Variants in PCBP3 observed in about 807,000 individuals in gnomAD.
PCBP3 encodes the protein poly(rC)-binding protein 3.
PCBP3 carries 25 observed loss-of-function variants against 52.7 expected under a neutral mutation model. The observed-to-expected ratio is 0.47, with a 90% CI of 0.35 to 0.66. The LOEUF is 0.66. Among genes scored for constraint, PCBP3 ranks in the 30% least tolerant of loss-of-function variants. The pLI is 0.01. For synonymous variants in PCBP3, 162 were observed against 183.0 expected, an observed-to-expected ratio of 0.89 and a Z score of 0.93; for missense variants, 391 against 490.3, an observed-to-expected ratio of 0.80 and a Z score of 1.91.
intron 5 of PCBP3, among the ~76,000 whole-genome samples, chr21:45,856,077 A>C (rs571545918): frequency 6.6e-6 from 1 of 152,212 alleles, no homozygotes; most frequent in African/African-American, 2.4e-5. Flanking sequence ...TGGGCCTCCA[A>C]AGCCATCTTT....
rs2083296958 is a variant in PCBP3 at position 45,704,099 on chromosome 21, G to A, written c.-199-31293G>A. On this transcript the variant is annotated intron_variant, in intron 2 of 17. Transcript: ENST00000681687. The surrounding 1 kb of genome is among the most constrained non-coding windows in gnomAD (Gnocchi z 4.1). ...TGGCTGATGTCAAGAGGTCAGAAGGGAAGACACGTTTATCTTGAGTTGGGA... is the reference window on the plus strand; with the variant it reads ...TGGCTGATGTCAAGAGGTCAGAAGGAAAGACACGTTTATCTTGAGTTGGGA... 6.6e-6 allele frequency among the ~76,000 whole-genome samples: 1 copy of A among 152,174 alleles called. No homozygotes were observed. Among genetic ancestry groups the A allele is most frequent in the Non-Finnish European group, 1.5e-5 (1 of 68,034 alleles).
At chr21:45,745,125 A>G (rs1280683378) in intron 3 of PCBP3, among the ~76,000 whole-genome samples, 1 of 152,126 alleles carries the variant, frequency 6.6e-6, no homozygotes, top group Non-Finnish European at 1.5e-5. Flanking sequence ...TGGTCCTGGG[A>G]GATGGAGTGA....
rs368429510 is a variant in PCBP3, at chr21:45,842,806, GA to G, written c.-125-7154del. On this transcript the variant is annotated intron_variant, in intron 4 of 17. Coordinates refer to ENST00000681687, the MANE Select transcript of PCBP3 (RefSeq NM_001384156.1). ...AAGGGTGCTTGGTACTGCTGGGTGG[GA>G]GTGGAAGCCGAGGCTCTCAGCTCAG... is the stretch of plus-strand genomic sequence containing the variant. Among the ~76,000 whole-genome samples, 18 of 152,308 alleles carry G rather than the reference GA, an allele frequency of 1.2e-4. No homozygotes were observed. The East Asian group carries it at 3.5e-3, about 29-fold the overall frequency.
intron 4 of PCBP3, among the ~76,000 whole-genome samples, chr21:45,771,904 A>G (rs1462001215): frequency 6.6e-6 from 1 of 152,254 alleles, no homozygotes; most frequent in African/African-American, 2.4e-5. Flanking sequence ...TCAAGGCTGC[A>G]GGATGTAAGA....
chr21:45,843,850 G>C (rs1027902408), intron 4 of PCBP3, among the ~76,000 whole-genome samples: 1 of 152,146 alleles, frequency 6.6e-6, no homozygotes, highest in Non-Finnish European at 1.5e-5. Context: ...GTCAGGTACA[G>C]GGTTTTATAT....
At chr21:45,862,501 A>T (rs894444418) in intron 5 of PCBP3, among the ~76,000 whole-genome samples, 3 of 152,212 alleles carry the variant, frequency 2.0e-5, no homozygotes, top group African/African-American at 7.2e-5. Context: ...AAGATAACAC[A>T]TATCAACCGT....
intron 1 of PCBP3, among the ~76,000 whole-genome samples, chr21:45,664,494 G>T (rs1255399042): frequency 6.6e-6 from 1 of 150,650 alleles, no homozygotes; most frequent in African/African-American, 2.4e-5. Flanking sequence ...ATACCATACA[G>T]AAATTCAAAT....
intron 17 of PCBP3, among the ~76,000 whole-genome samples, chr21:45,940,929 C>T (rs548018917): frequency 4.6e-5 from 7 of 152,118 alleles, no homozygotes; most frequent in African/African-American, 9.7e-5. Context: ...TGGGACGGGA[C>T]GGGATGGGAC....
chr21:45,777,660 A>C (rs1034409328), intron 4 of PCBP3, among the ~76,000 whole-genome samples: 1 of 152,064 alleles, frequency 6.6e-6, no homozygotes, highest in African/African-American at 2.4e-5. Context: ...CTTGTCTTCA[A>C]GTACAGAGAT....
rs1160952133 is a variant in PCBP3 at position 45,643,778 on chromosome 21, C to T, written c.-369C>T. On this transcript the variant is annotated 5_prime_UTR_variant, in exon 1 of 18. Coordinates refer to ENST00000681687, the MANE Select transcript of PCBP3 (RefSeq NM_001384156.1). ...CCGCTTCGGCTGACTTAGGCTCCGC[C>T]GCCGCCTCCTCACCCGCCTCGCCCC... 2.0e-5 allele frequency: 3 copies of T among 149,068 alleles called. No individual in the cohort carries two copies. The highest frequency in any genetic ancestry group is 3.9e-4 in the East Asian group (2 of 5,108). 9.2% of individuals were successfully genotyped at this position (149,068 alleles called of 1,614,324 possible).
At chr21:45,669,787 TTG>T (rs1224298314) in intron 2 of PCBP3, among the ~76,000 whole-genome samples, 4,218 of 77,856 alleles carry the variant, frequency 0.054, 222 homozygotes, top group East Asian at 0.06. Flanking sequence ...TAATATTCCA[TTG>T]TGTGTGTGTG....
chr21:45,888,754 G>A (rs1210273868), intron 5 of PCBP3, among the ~76,000 whole-genome samples: 1 of 152,230 alleles, frequency 6.6e-6, no homozygotes, highest in Non-Finnish European at 1.5e-5. Context: ...TCTATACATG[G>A]AATGATTATA....
chr21:45,906,554 C>T (rs2096212560), intron 9 of PCBP3, among the ~76,000 whole-genome samples: 1 of 152,118 alleles, frequency 6.6e-6, no homozygotes, highest in Non-Finnish European at 1.5e-5. Flanking sequence ...TTGGTGGAAC[C>T]TCTCGGAGCC....
chr21:45,874,041 C>T (rs574938087), intron 5 of PCBP3, among the ~76,000 whole-genome samples: 13 of 152,022 alleles, frequency 8.6e-5, no homozygotes, highest in African/African-American at 2.7e-4. Flanking sequence ...TGAGCCACCA[C>T]GCCCGGCCCA....
chr21:45,823,722 GT>G (rs748237307), intron 4 of PCBP3, among the ~76,000 whole-genome samples: 1 of 97,094 alleles, frequency 1.0e-5, no homozygotes, highest in South Asian at 3.9e-4. Flanking sequence ...CAAAGTAGGT[GT>G]TTTTTTTTTA....
chr21:45,647,353 T>C (rs952497124), intron 1 of PCBP3, among the ~76,000 whole-genome samples: 4 of 152,228 alleles, frequency 2.6e-5, no homozygotes, highest in African/African-American at 9.7e-5. Flanking sequence ...CATGAGGGAA[T>C]GAGACAGAGT....
intron 4 of PCBP3, among the ~76,000 whole-genome samples, chr21:45,799,440 A>G (rs1026542071): frequency 1.3e-5 from 2 of 152,038 alleles, no homozygotes; most frequent in Non-Finnish European, 2.9e-5. Context: ...CTGTTTTATT[A>G]TTGTTAATCT....
chr21:45,806,468 A>G (rs1428074974), intron 4 of PCBP3, among the ~76,000 whole-genome samples: 4 of 150,848 alleles, frequency 2.7e-5, no homozygotes, highest in Admixed American at 6.6e-5. Context: ...AATATGGCCA[A>G]TGCAGTCCTC....
At chr21:45,759,253 T>C (rs1238027383) in intron 4 of PCBP3, among the ~76,000 whole-genome samples, 1 of 152,228 alleles carries the variant, frequency 6.6e-6, no homozygotes, top group East Asian at 1.9e-4. Flanking sequence ...CTTTCTTAAA[T>C]TGTTTATTAG....
Sources: allele counts gnomAD v4.1 joint callset (sites outside exome capture counted in the v4.1 genomes callset), GRCh38; gene constraint gnomAD v4.1.1; non-coding constraint Gnocchi (gnomAD v3.1); transcripts MANE v1.5; gene names NCBI Gene and HGNC (gene_info 2026-07-23, HGNC 2026-07-21).